The following GPR21 variants were observed in gnomAD, a reference collection of about 807,000 sequenced individuals.
The protein encoded by GPR21 is G protein-coupled receptor 21, also known as probable G protein-coupled receptor 21.
A neutral mutation model predicts 21.5 loss-of-function variants in GPR21; 9 were observed. The ratio of observed to expected loss-of-function variants is 0.42; its 90% confidence interval spans 0.25 to 0.73. The LOEUF is 0.73. Ranked by LOEUF, GPR21 falls within the 30% of genes least tolerant of loss-of-function variation. GPR21 has a pLI of 0.27. For synonymous variants in GPR21, 169 were observed against 159.3 expected (o/e 1.06, Z -0.46); for missense variants, 416 against 428.9 (o/e 0.97, Z 0.27).
At chr9:123,041,114 T>C in the GPR21 span, among the ~76,000 whole-genome samples, 1 of 152,208 alleles carries the variant, frequency 6.6e-6, no homozygotes, top group Non-Finnish European at 1.5e-5. Flanking sequence ...ATAATATAAA[T>C]GTTAATTGAG....
chr9:123,038,382 G>A (rs113857760), downstream of GPR21, among the ~76,000 whole-genome samples: 45 of 151,972 alleles, frequency 3.0e-4, no homozygotes, highest in African/African-American at 8.0e-4. Flanking sequence ...TTTTTTTACC[G>A]TAAATGCATT....
At chr9:123,048,754 G>C in the GPR21 span, among the ~76,000 whole-genome samples, 2 of 152,128 alleles carry the variant, frequency 1.3e-5, no homozygotes, top group African/African-American at 2.4e-5. Context: ...ATGATATTTT[G>C]TGTGTTCACT....
downstream of GPR21, among the ~76,000 whole-genome samples, chr9:123,038,102 G>A (rs187737983): frequency 1.0e-3 from 154 of 152,204 alleles, no homozygotes; most frequent in African/African-American, 3.5e-3. Flanking sequence ...AGTGATTTCA[G>A]TGAAAGTGGT....
At position 123,035,512 on chromosome 9, in the gene GPR21, A is replaced by G; in HGVS notation, c.946A>G (p.Lys316Glu). 1 of 1,613,796 alleles carries G rather than the reference A, an allele frequency of 6.2e-7. No individual in the cohort carries two copies. The highest frequency in any genetic ancestry group is 8.5e-7 in the Non-Finnish European group (1 of 1,179,678). Residue 316 changes from lysine to glutamate, a missense_variant, in exon 2 of 2, where the codon AAG (lysine) becomes GAG (glutamate). Lys to Glu is a moderately conservative substitution (Grantham distance 56, BLOSUM62 1). Coordinates refer to ENST00000616002, the MANE Select transcript of GPR21 (RefSeq NM_005294.3). Reference sequence around the variant, plus strand: ...CAACAGTGTATTCCAAAGAGGACTAAAGCGCCTCTCAGGGGCTATGTGTAC... The same window carrying G: ...CAACAGTGTATTCCAAAGAGGACTAGAGCGCCTCTCAGGGGCTATGTGTAC... ...LSNSVFQRGL[K>E]RLSGAMCTSC...
the GPR21 span, among the ~76,000 whole-genome samples, chr9:123,044,505 A>G: frequency 1.3e-5 from 2 of 152,114 alleles, no homozygotes; most frequent in Non-Finnish European, 2.9e-5. Flanking sequence ...CTACGCCTCC[A>G]TAGGTGTCTG....
At chr9:123,035,709 C>T, downstream of GPR21, 1 of 811,602 alleles carries the variant, frequency 1.2e-6, no homozygotes, top group Admixed American at 2.5e-5. Context: ...ATTCCTAATT[C>T]ACTAGGAAAT....
chr9:123,034,590 T>A lies in GPR21; in HGVS notation c.24T>A (p.Asn8Lys). MNSTLDG[N>K]QSSHPFCLLA... ...AGATGAACTCCACCTTGGATGGTAA[T>A]CAGAGCAGCCACCCTTTTTGCCTCT... The change falls in exon 2 of 2, where the codon AAT (asparagine) becomes AAA (lysine). Residue 8 changes from asparagine (N) to lysine (K), a missense_variant. Coordinates refer to ENST00000616002, the MANE Select transcript of GPR21 (RefSeq NM_005294.3). The A allele has an allele frequency of 6.2e-7, 1 of 1,608,232 alleles. No homozygotes were observed. Among genetic ancestry groups the A allele is most frequent in the South Asian group, 1.1e-5 (1 of 89,748 alleles).
the GPR21 span, among the ~76,000 whole-genome samples, chr9:123,047,799 C>T: frequency 1.2e-4 from 18 of 151,942 alleles, no homozygotes; most frequent in Admixed American, 1.2e-3. Flanking sequence ...ATTCTTAATG[C>T]AGTGCAGCAG....
chr9:123,039,667 C>T (rs574126125), downstream of GPR21, among the ~76,000 whole-genome samples: 15 of 152,182 alleles, frequency 9.9e-5, no homozygotes, highest in African/African-American at 1.7e-4. Flanking sequence ...TCTGTAGCTT[C>T]GGCCCAGAGA....
the GPR21 span, among the ~76,000 whole-genome samples, chr9:123,046,516 T>A: frequency 1.3e-5 from 2 of 152,152 alleles, no homozygotes; most frequent in Non-Finnish European, 2.9e-5. Flanking sequence ...ACTTACTAGC[T>A]GTGAGACCTG....
downstream of GPR21, among the ~76,000 whole-genome samples, chr9:123,040,400 G>C (rs577043664): frequency 1.3e-5 from 2 of 152,258 alleles, no homozygotes; most frequent in East Asian, 3.9e-4. Context: ...GGTGGGAATG[G>C]AATCTCAGAA....
downstream of GPR21, among the ~76,000 whole-genome samples, chr9:123,039,173 C>T (rs1158611206): frequency 6.6e-6 from 1 of 152,162 alleles, no homozygotes; most frequent in Non-Finnish European, 1.5e-5. Flanking sequence ...CTTTGAAGCT[C>T]AATGCTACAC....
In GPR21 at chr9:123,034,224, T is replaced by C. The variant is rs947638768; in HGVS notation, c.-343T>C. On this transcript the variant is annotated 5_prime_UTR_variant, in exon 2 of 2. Transcript: ENST00000616002. ...TGCTGAAGCTCCTAATCTTCTTCCC[T>C]TCTCTTCTACCCTTTCCCCCTACCC... The C allele has an allele frequency of 5.9e-5, 18 of 306,248 alleles. No homozygotes were observed. Among genetic ancestry groups the C allele is most frequent in the African/African-American group, 3.7e-4 (17 of 46,312 alleles). The allele number at this position is 306,248 out of a possible 1,614,324, so 19.0% of individuals were successfully genotyped here. A position where few individuals can be genotyped will look rare whatever the true frequency, so the allele number is the denominator to read the frequency against.
downstream of GPR21, among the ~76,000 whole-genome samples, chr9:123,040,035 A>G (rs2032875691): frequency 1.3e-5 from 2 of 152,206 alleles, 1 homozygote; most frequent in South Asian, 4.1e-4. Context: ...AGAAGCACTT[A>G]TCTAGTAAGT....
chr9:123,040,224 G>C (rs947337225), downstream of GPR21, among the ~76,000 whole-genome samples: 1 of 152,156 alleles, frequency 6.6e-6, no homozygotes, highest in Non-Finnish European at 1.5e-5. Flanking sequence ...AGGCTTCCTG[G>C]TGGGCCACCC....
chr9:123,034,344 G>A lies in GPR21; in HGVS notation c.-223G>A. On this transcript the variant is annotated 5_prime_UTR_variant, in exon 2 of 2. Coordinates refer to ENST00000616002, the MANE Select transcript of GPR21 (RefSeq NM_005294.3). ...GGCACTATGGCCGCGTCTGGGACTG[G>A]CCAGACAACTGCTGCTGGCTCTCCT... The A allele has an allele frequency of 1.8e-6, 1 of 564,812 alleles. No homozygotes were observed. The highest frequency in any genetic ancestry group is 3.4e-5 in the Admixed American group (1 of 29,582). 35.0% of individuals were successfully genotyped at this position (564,812 alleles called of 1,614,324 possible). A position where few individuals can be genotyped will look rare whatever the true frequency, so the allele number is the denominator to read the frequency against.
chr9:123,034,857 G>A lies in GPR21; in HGVS notation c.291G>A (p.Glu97=), dbSNP rs2032530576. Residue 97 remains glutamate, a synonymous_variant, in exon 2 of 2, where the codon GAG becomes GAA. Coordinates refer to ENST00000616002, the MANE Select transcript of GPR21 (RefSeq NM_005294.3). ...LSLLHHPLPV[E]ESLTCQIFGF... ...TCCTCCATCACCCCCTTCCAGTAGA[G>A]GAGTCCTTGACTTGCCAGATATTTG... is the stretch of plus-strand genomic sequence containing the variant. 2 of 1,613,950 alleles carry A rather than the reference G, an allele frequency of 1.2e-6. No individual in the cohort carries two copies. The highest frequency in any genetic ancestry group is 2.7e-5 in the African/African-American group (2 of 74,922).
In GPR21 at chr9:123,034,919, C is replaced by T; in HGVS notation, c.353C>T (p.Ala118Val). The change falls in exon 2 of 2, where the codon GCT becomes GTT. Residue 118 changes from alanine (A) to valine (V), a missense_variant. Physicochemically the swap from Ala to Val is moderately conservative, Grantham distance 64 (BLOSUM62 0). Transcript: ENST00000616002. ...TCAGTTCTGAAGAGCGTCTCCATGG[C>T]TTCTCTGGCCTGTATCAGCATTGAT... ...VVSVLKSVSMASLACISIDRY... is the reference protein window; with the variant it reads ...VVSVLKSVSMVSLACISIDRY... The T allele has an allele frequency of 1.2e-6, 2 of 1,612,940 alleles. No individual in the cohort carries two copies. Among genetic ancestry groups the T allele is most frequent in the East Asian group, 2.2e-5 (1 of 44,862 alleles).
chr9:123,038,048 T>C (rs1040944026), downstream of GPR21, among the ~76,000 whole-genome samples: 1 of 152,202 alleles, frequency 6.6e-6, no homozygotes, highest in African/African-American at 2.4e-5. Flanking sequence ...TAAAGTAGGA[T>C]TATACTGATG....
Sources: gnomAD v4.1 joint callset for allele counts (sites outside exome capture counted in the v4.1 genomes callset) on GRCh38, gnomAD v4.1.1 for gene constraint, MANE v1.5 for transcripts, NCBI Gene and HGNC (gene_info 2026-07-23, HGNC 2026-07-21) for gene names.